CENPL: variants seen among roughly 807,000 people sequenced by gnomAD.
CENPL encodes the protein interphase centromere complex protein 33.
A neutral mutation model predicts 35.2 loss-of-function variants in CENPL; 20 were observed. That is an observed-to-expected ratio of 0.57 (90% CI 0.40 to 0.83). The LOEUF (loss-of-function observed/expected upper bound fraction) is 0.83. Ranked by LOEUF, CENPL falls within the 40% of genes least tolerant of loss-of-function variation. CENPL has a pLI of 0.00. For missense variants in CENPL, 363 were observed against 395.8 expected, an observed-to-expected ratio of 0.92 and a Z score of 0.70; for synonymous variants, 140 against 140.6, an observed-to-expected ratio of 1.00 and a Z score of 0.03.
chr1:173,814,668 G>A (rs377303651), intron 2 of CENPL, among the ~76,000 whole-genome samples: 1 of 152,134 alleles, frequency 6.6e-6, no homozygotes. Flanking sequence ...AGAATCTCTG[G>A]GACACATTTA....
At chr1:173,812,120 C>T (rs927276260) in intron 2 of CENPL, among the ~76,000 whole-genome samples, 2 of 152,178 alleles carry the variant, frequency 1.3e-5, no homozygotes, top group Admixed American at 6.5e-5. Flanking sequence ...TGGGGAGGGG[C>T]GTCCGCCATT....
chr1:173,813,036 T>C (rs1650995507), intron 2 of CENPL, among the ~76,000 whole-genome samples: 1 of 152,104 alleles, frequency 6.6e-6, no homozygotes, highest in African/African-American at 2.4e-5. Context: ...ATGCACAAGC[T>C]TCAATAGCCA....
At chr1:173,800,702 C>T (rs924595766) in intron 5 of CENPL, among the ~76,000 whole-genome samples, 183 bp from the exon 6 acceptor site, 1 of 152,182 alleles carries the variant, frequency 6.6e-6, no homozygotes, top group Non-Finnish European at 1.5e-5. Context: ...AATCCCAGCA[C>T]TTTGAGAGGC....
chr1:173,802,274 C>T (rs540362634), intron 5 of CENPL, among the ~76,000 whole-genome samples: 15 of 151,858 alleles, frequency 9.9e-5, no homozygotes, highest in South Asian at 6.3e-4. Context: ...GGCGCGATCT[C>T]GGCTCACTAC....
At position 173,803,296 on chromosome 1, in the gene CENPL, A is replaced by G; in HGVS notation, c.630T>C (p.Pro210=). The G allele has an allele frequency of 6.2e-7, 1 of 1,613,088 alleles. No individual in the cohort carries two copies. Among genetic ancestry groups the G allele is most frequent in the South Asian group, 1.1e-5 (1 of 91,070 alleles). The change falls in exon 5 of 6, where the codon CCT becomes CCC. Residue 210 remains proline (P), a synonymous_variant. Transcript: ENST00000682279. ...FQKTFDCYFS[P]LAINAFNLSW... ...AAAGATTAAATGCATTGATTGCTAAAGGACTGAAATAACAGTCAAAGGTTT... is the reference window on the plus strand; with the variant it reads ...AAAGATTAAATGCATTGATTGCTAAGGGACTGAAATAACAGTCAAAGGTTT...
chr1:173,800,982 T>C (rs971885460), intron 5 of CENPL, among the ~76,000 whole-genome samples: 1 of 152,084 alleles, frequency 6.6e-6, no homozygotes, highest in Non-Finnish European at 1.5e-5. Context: ...CATTTTTACA[T>C]TTTCTATTTC....
chr1:173,814,938 G>A (rs940209672), intron 2 of CENPL, among the ~76,000 whole-genome samples: 1 of 152,120 alleles, frequency 6.6e-6, no homozygotes, highest in African/African-American at 2.4e-5. Context: ...TAGACCGTTA[G>A]CAAGACTAAT....
rs1271704662 is a variant in CENPL at position 173,824,238 on chromosome 1, G to A, written c.-128C>T. On this transcript the variant is annotated 5_prime_UTR_variant, in exon 1 of 6. Transcript: ENST00000682279. ...CAGCTCTGCGACCCTCGCTCCTGCG[G>A]AGTCAGCTTCTGCTCGCGGAGGGGG... The A allele has an allele frequency of 1.3e-5, 2 of 152,284 alleles. No individual in the cohort carries two copies. The highest frequency in any genetic ancestry group is 4.8e-5 in the African/African-American group (2 of 41,452). 9.4% of individuals were successfully genotyped at this position (152,284 alleles called of 1,614,324 possible).
chr1:173,806,328 G>A (rs116533910), intron 4 of CENPL: 18,188 of 294,150 alleles, frequency 0.062, 842 homozygotes, highest in Non-Finnish European at 0.071. Context: ...GTTCATGCCT[G>A]TAATCCCAGC....
intron 2 of CENPL, chr1:173,822,172 G>A (rs1437744880): frequency 2.0e-5 from 3 of 152,082 alleles, no homozygotes; most frequent in African/African-American, 7.2e-5. Context: ...GAAATCTTCA[G>A]CAATCTCTTT....
intron 2 of CENPL, among the ~76,000 whole-genome samples, chr1:173,812,091 C>T (rs748353862): frequency 2.0e-5 from 3 of 152,254 alleles, no homozygotes; most frequent in African/African-American, 7.2e-5. Context: ...GATTGACCTG[C>T]GAGACAGCAG....
At chr1:173,819,182 T>C (rs1337662664) in intron 2 of CENPL, among the ~76,000 whole-genome samples, 2 of 151,896 alleles carry the variant, frequency 1.3e-5, no homozygotes, top group Non-Finnish European at 2.9e-5. Context: ...TGCAGTGAGA[T>C]GTGATCATGC....
chr1:173,818,557 T>C (rs1016470517), intron 2 of CENPL, among the ~76,000 whole-genome samples: 2 of 152,218 alleles, frequency 1.3e-5, no homozygotes, highest in Non-Finnish European at 2.9e-5. Context: ...GAAATACCTA[T>C]GGCATACATT....
intron 4 of CENPL, chr1:173,806,571 G>T: frequency 3.2e-6 from 1 of 312,974 alleles, no homozygotes; most frequent in East Asian, 1.3e-4. Flanking sequence ...GTGACAAAAT[G>T]AGACCCTGTC....
chr1:173,806,441 G>C (rs1258575137), intron 4 of CENPL: 1 of 446,606 alleles, frequency 2.2e-6, no homozygotes, highest in East Asian at 7.6e-5. Context: ...AAATTTACCC[G>C]AGTGTGGTGG....
At chr1:173,822,051 T>C (rs1282962478) in intron 2 of CENPL, 1 of 152,190 alleles carries the variant, frequency 6.6e-6, no homozygotes, top group Non-Finnish European at 1.5e-5. Flanking sequence ...CTAGTATTTC[T>C]AACATTAAAA....
At chr1:173,818,887 T>C (rs1284591132) in intron 2 of CENPL, among the ~76,000 whole-genome samples, 1 of 152,214 alleles carries the variant, frequency 6.6e-6, no homozygotes, top group Non-Finnish European at 1.5e-5. Flanking sequence ...AGGCTGAGTG[T>C]CCTTTAATTG....
rs934588628 is a variant in CENPL, at chr1:173,800,330, G to T, written c.*118C>A. 2 of 532,408 alleles carry T rather than the reference G, an allele frequency of 3.8e-6. No homozygotes were observed. The highest frequency in any genetic ancestry group is 7.0e-5 in the Admixed American group (2 of 28,706). 33.0% of individuals were successfully genotyped at this position (532,408 alleles called of 1,614,324 possible). A position where few individuals can be genotyped will look rare whatever the true frequency, so the allele number is the denominator to read the frequency against. ...CCATCTTGGCAACTCCAAAGGCATG[G>T]TGGGGAAAACAGATGCAGAGATAGA... On this transcript the variant is annotated 3_prime_UTR_variant, in exon 6 of 6. Transcript: ENST00000682279.
Position 173,803,356 on chromosome 1 carries a change from C to G in CENPL, c.570G>C (p.Glu190Asp). 6.2e-7 allele frequency: 1 copy of G among 1,614,086 alleles called. No homozygotes were observed. Among genetic ancestry groups the G allele is most frequent in the Middle Eastern group, 1.6e-4 (1 of 6,062 alleles). Residue 190 changes from glutamate (E) to aspartate (D), a missense_variant, in exon 5 of 6, where the codon GAG becomes GAC. Glu to Asp is a conservative substitution (Grantham distance 45, BLOSUM62 2). Transcript: ENST00000682279. ...CLPLFLANGA[E>D]SNTAIIGTWF... is the part of the protein sequence containing the mutation. The stretch of plus-strand genomic sequence containing the variant: ...AAGTTCCAATTATTGCTGTGTTAGA[C>G]TCTGCTCCATTTGCAAGGAATAAGG...
Sources: gnomAD v4.1 joint callset for allele counts (sites outside exome capture counted in the v4.1 genomes callset) on GRCh38, gnomAD v4.1.1 for gene constraint, MANE v1.5 for transcripts, NCBI Gene and HGNC (gene_info 2026-07-23, HGNC 2026-07-21) for gene names.